Variants in TCTN2 observed in about 807,000 individuals in gnomAD.
The protein encoded by TCTN2 is tectonic-2.
In TCTN2, 66 loss-of-function variants were observed where a neutral mutation model predicts 83.4. The observed-to-expected ratio is 0.79, with a 90% CI of 0.65 to 0.97. The LOEUF is 0.97. Ranked by LOEUF, TCTN2 falls within the 50% of genes least tolerant of loss-of-function variation. The pLI, the probability that TCTN2 is intolerant of heterozygous loss-of-function variation, is 0.00. For missense variants in TCTN2, 794 were observed against 858.1 expected, an observed-to-expected ratio of 0.93 and a Z score of 0.93; for synonymous variants, 301 against 326.7, an observed-to-expected ratio of 0.92 and a Z score of 0.85.
At chr12:123,681,219 T>C (rs1955895152) in intron 5 of TCTN2, among the ~76,000 whole-genome samples, 1 of 148,304 alleles carries the variant, frequency 6.7e-6, no homozygotes, top group Non-Finnish European at 1.5e-5. Context: ...ATCACACCAC[T>C]GCATGTCAGC....
intron 11 of TCTN2, 60 bp from the exon 12 acceptor site, chr12:123,696,355 G>A: frequency 7.4e-7 from 1 of 1,351,382 alleles, no homozygotes; most frequent in Non-Finnish European, 1.1e-6. Flanking sequence ...ATTATTTGCA[G>A]AGTTAGGGCT....
At chr12:123,680,163 A>G (rs1192450490) in intron 5 of TCTN2, among the ~76,000 whole-genome samples, 2 of 151,710 alleles carry the variant, frequency 1.3e-5, no homozygotes, top group Non-Finnish European at 2.9e-5. Context: ...GACCAGCCTG[A>G]CCAACATGGA....
intron 8 of TCTN2, 150 bp downstream of exon 8, chr12:123,690,824 G>C (rs894016205): frequency 2.3e-6 from 2 of 886,262 alleles, no homozygotes; most frequent in African/African-American, 1.7e-5. Flanking sequence ...AGTTCCGTAA[G>C]ACAGCATATT....
intron 4 of TCTN2, among the ~76,000 whole-genome samples, chr12:123,678,615 A>G (rs1219250927): frequency 6.6e-6 from 1 of 151,932 alleles, no homozygotes; most frequent in Non-Finnish European, 1.5e-5. Flanking sequence ...GTATATACTA[A>G]CTTGTGACTC....
intron 3 of TCTN2, among the ~76,000 whole-genome samples, chr12:123,672,821 A>C (rs548760997): frequency 6.6e-6 from 1 of 152,088 alleles, no homozygotes; most frequent in Non-Finnish European, 1.5e-5. Context: ...GAGGCCGAGG[A>C]GGGCGGATCA....
chr12:123,675,466 C>G (rs900397812), intron 4 of TCTN2, among the ~76,000 whole-genome samples: 1 of 152,182 alleles, frequency 6.6e-6, no homozygotes, highest in Non-Finnish European at 1.5e-5. Flanking sequence ...TACCTGGAGA[C>G]TCCTTTACTG....
At chr12:123,698,539 G>A (rs1053304144) in intron 13 of TCTN2, among the ~76,000 whole-genome samples, 3 of 151,964 alleles carry the variant, frequency 2.0e-5, no homozygotes, top group Non-Finnish European at 4.4e-5. Flanking sequence ...TTGAGCTCAG[G>A]TGATCCTCCC....
chr12:123,693,684 C>G (rs914054462), intron 9 of TCTN2, among the ~76,000 whole-genome samples: 1 of 151,840 alleles, frequency 6.6e-6, no homozygotes, highest in Non-Finnish European at 1.5e-5. Context: ...GAACTCCTGA[C>G]CTCAGGTGAT....
chr12:123,692,626 C>T, intron 8 of TCTN2, 32 bp from the exon 9 acceptor site: 3 of 1,541,976 alleles, frequency 1.9e-6, no homozygotes, highest in African/African-American at 1.4e-5. Context: ...CATGTGTACG[C>T]CTGTGGAAGT....
intron 2 of TCTN2, 120 bp from the exon 3 acceptor site, chr12:123,671,936 G>T: frequency 1.2e-6 from 1 of 860,602 alleles, no homozygotes. Context: ...CCAGTGTCAA[G>T]CAGCTTGTAA....
At position 123,679,246 on chromosome 12, in the gene TCTN2, A is replaced by AT. The variant is rs760034947; in HGVS notation, c.524dup (p.Leu175PhefsTer7). On this transcript the variant is annotated frameshift_variant, in exon 5 of 18. Coordinates refer to ENST00000303372, the MANE Select transcript of TCTN2 (RefSeq NM_024809.5). LOFTEE classifies it high-confidence loss of function. ...CAGCCCCTTGGCCCTTGTCCTTGTA[A>AT]TTTAACAGCTGGAGCCTGTGATGTT... 3.7e-6 allele frequency: 6 copies of AT among 1,613,910 alleles called. No homozygotes were observed. Among genetic ancestry groups the AT allele is most frequent in the Non-Finnish European group, 5.1e-6 (6 of 1,179,968 alleles).
rs1956255851 is a variant in TCTN2 at position 123,708,201 on chromosome 12, C to T, written c.*488C>T. 1 of 183,252 alleles carries T rather than the reference C, an allele frequency of 5.5e-6. No homozygotes were observed. The highest frequency in any genetic ancestry group is 5.5e-5 in the Admixed American group (1 of 18,034). The allele number at this position is 183,252 out of a possible 1,614,324, so 11.4% of individuals were successfully genotyped here. A position where few individuals can be genotyped will look rare whatever the true frequency, so the allele number is the denominator to read the frequency against. On this transcript the variant is annotated 3_prime_UTR_variant, in exon 18 of 18. Coordinates refer to ENST00000303372, the MANE Select transcript of TCTN2 (RefSeq NM_024809.5). ...AAAGACGGGGTTTCGCCTTGTTGCC[C>T]AGGGTGGTCTGTAACTCCTGAGCTC...
At chr12:123,689,475 C>T (rs1200105839) in intron 7 of TCTN2, among the ~76,000 whole-genome samples, 1 of 152,184 alleles carries the variant, frequency 6.6e-6, no homozygotes, top group Non-Finnish European at 1.5e-5. Flanking sequence ...GCCTTGATGC[C>T]TGGCTAGCAG....
chr12:123,689,952 C>G (rs914541260), intron 7 of TCTN2, among the ~76,000 whole-genome samples: 1 of 152,042 alleles, frequency 6.6e-6, no homozygotes, highest in Non-Finnish European at 1.5e-5. Flanking sequence ...AGGTGCATGC[C>G]ATTATACCCG....
At chr12:123,676,529 C>T (rs549428628) in intron 4 of TCTN2, among the ~76,000 whole-genome samples, 8 of 129,918 alleles carry the variant, frequency 6.2e-5, no homozygotes, top group African/African-American at 1.8e-4. Context: ...GGTCACACCA[C>T]TGCACTCCAG....
rs1956026490 is a variant in TCTN2, at chr12:123,690,398, G to A, written c.892-135G>A. ...TTTTGCTAAAGCGGGTCAACTAGTCGGTGAACTTGCCGTTGCTGAAACCAG... is the reference window on the plus strand; with the variant it reads ...TTTTGCTAAAGCGGGTCAACTAGTCAGTGAACTTGCCGTTGCTGAAACCAG... On this transcript the variant is annotated intron_variant, in intron 7 of 17. Transcript: ENST00000303372. 7 of 1,220,226 alleles carry A rather than the reference G, an allele frequency of 5.7e-6. No individual in the cohort carries two copies. In the South Asian group the frequency reaches 6.5e-5, roughly 11 times the overall value. 75.6% of individuals were successfully genotyped at this position (1,220,226 alleles called of 1,614,324 possible). A position where few individuals can be genotyped will look rare whatever the true frequency, so the allele number is the denominator to read the frequency against.
rs745955563 is a variant in TCTN2, at chr12:123,692,643, A to G, written c.1034-15A>G. ...TGTGTACGCCTGTGGAAGTTAATTT[A>G]TGTTATCTCTTTAGGCATAGTTACA... On this transcript the variant is annotated splice_polypyrimidine_tract_variant and intron_variant, in intron 8 of 17. Coordinates refer to ENST00000303372, the MANE Select transcript of TCTN2 (RefSeq NM_024809.5). 1.2e-6 allele frequency: 2 copies of G among 1,605,598 alleles called. No homozygotes were observed. Among genetic ancestry groups the G allele is most frequent in the Non-Finnish European group, 1.7e-6 (2 of 1,172,338 alleles).
Position 123,694,919 on chromosome 12 carries a change from A to G in TCTN2, c.1177A>G (p.Thr393Ala), listed in dbSNP as rs775206966. ...EHYIFKWNNN[T>A]ISEINVKIFR... ...TTATATTTTCAAATGGAATAATAAT[A>G]CCATCAGTGAAATAAATGTTAAAAT... Residue 393 changes from threonine to alanine, a missense_variant, in exon 10 of 18, where the codon ACC (threonine) becomes GCC (alanine). Coordinates refer to ENST00000303372, the MANE Select transcript of TCTN2 (RefSeq NM_024809.5). The G allele has an allele frequency of 6.2e-7, 1 of 1,612,450 alleles. No homozygotes were observed. Among genetic ancestry groups the G allele is most frequent in the African/African-American group, 1.3e-5 (1 of 74,924 alleles).
chr12:123,673,518 C>T (rs1269099131), intron 3 of TCTN2, 97 bp from the exon 4 acceptor site: 26 of 1,198,174 alleles, frequency 2.2e-5, no homozygotes, highest in South Asian at 6.2e-5. Flanking sequence ...ATAAAATGAA[C>T]GGAGGCTGAT....
Sources: gnomAD v4.1 joint callset for allele counts (sites outside exome capture counted in the v4.1 genomes callset) on GRCh38, gnomAD v4.1.1 for gene constraint, MANE v1.5 for transcripts, NCBI Gene and HGNC (gene_info 2026-07-23, HGNC 2026-07-21) for gene names.